Variants in EPAS1 observed in about 807,000 individuals in gnomAD.
EPAS1 encodes endothelial PAS domain-containing protein 1.
Under a neutral mutation model 87.9 loss-of-function variants are expected in EPAS1, and 23 were observed. The ratio of observed to expected loss-of-function variants is 0.26; its 90% CI spans 0.19 to 0.37. The LOEUF is 0.37. Among genes scored for constraint, EPAS1 ranks in the 10% least tolerant of loss-of-function variants. The pLI is 1.00. For missense variants in EPAS1, 1,138 were observed against 1,120.7 expected (o/e 1.02, Z -0.22); for synonymous variants, 508 against 444.3 (o/e 1.14, Z -1.80).
intron 1 of EPAS1, among the ~76,000 whole-genome samples, chr2:46,309,959 T>C (rs964767602): frequency 6.6e-6 from 1 of 152,220 alleles, no homozygotes; most frequent in African/African-American, 2.4e-5. Context: ...AAGTGGGTGG[T>C]TGGAGGAGGC....
chr2:46,363,272 A>G (rs964780143), intron 6 of EPAS1, among the ~76,000 whole-genome samples: 1 of 152,180 alleles, frequency 6.6e-6, no homozygotes, highest in Non-Finnish European at 1.5e-5. Flanking sequence ...GAGCATATAT[A>G]GTGCTGGGGA....
At chr2:46,315,069 A>G (rs1052636772) in intron 1 of EPAS1, among the ~76,000 whole-genome samples, 1 of 152,188 alleles carries the variant, frequency 6.6e-6, no homozygotes, top group Admixed American at 6.5e-5. Context: ...GATGGCTGAT[A>G]TGATCTCTGC....
intron 1 of EPAS1, among the ~76,000 whole-genome samples, chr2:46,307,890 T>C (rs778474871): frequency 1.3e-5 from 2 of 152,128 alleles, no homozygotes; most frequent in Non-Finnish European, 2.9e-5. Context: ...GTTTCTTTTG[T>C]GGATTTGGGT....
chr2:46,361,491 A>G (rs762009923), intron 6 of EPAS1, among the ~76,000 whole-genome samples: 1 of 152,160 alleles, frequency 6.6e-6, no homozygotes, highest in Non-Finnish European at 1.5e-5. Flanking sequence ...TCTGCCCTGG[A>G]GACTGACCCT....
At chr2:46,382,764 C>G (rs1009951121) in intron 15 of EPAS1, among the ~76,000 whole-genome samples, 166 bp downstream of exon 15, 10 of 152,214 alleles carry the variant, frequency 6.6e-5, no homozygotes, top group Admixed American at 6.5e-4. Context: ...AACCTCCTCA[C>G]AAGTTCCTTG....
At chr2:46,302,118 CTG>C (rs35880089) in intron 1 of EPAS1, among the ~76,000 whole-genome samples, 34,835 of 125,308 alleles carry the variant, frequency 0.28, 4,853 homozygotes, top group East Asian at 0.52. Flanking sequence ...CTCTTTCTCT[CTG>C]TGTGTGTGTG....
rs368626373 is a variant in EPAS1 at position 46,362,338 on chromosome 2, A to G, written c.779+1248A>G. Among the ~76,000 whole-genome samples, 18 of 152,356 alleles carry G rather than the reference A, an allele frequency of 1.2e-4. No homozygotes were observed. In the East Asian group the frequency reaches 3.1e-3, roughly 26 times the overall value. ...TAATGGCTGTGCAAGCACTTTGAGA[A>G]GTCCAGACACCACAACACATGTGAG... On this transcript the variant is annotated intron_variant, in intron 6 of 15. Coordinates refer to ENST00000263734, the MANE Select transcript of EPAS1 (RefSeq NM_001430.5).
At position 46,379,225 on chromosome 2, in the gene EPAS1, A is replaced by C. The variant is rs567605540; in HGVS notation, c.1554+458A>C. Among the ~76,000 whole-genome samples, 13 of 152,346 alleles carry C rather than the reference A, an allele frequency of 8.5e-5. No individual in the cohort carries two copies. The South Asian group carries it at 2.1e-3, about 24-fold the overall frequency. ...TTTGACAATTTTTCATTTACATAAA[A>C]CTTTTCAGGAACACATTTATTACAT... is the stretch of plus-strand genomic sequence containing the variant. On this transcript the variant is annotated intron_variant, in intron 11 of 15. Coordinates refer to ENST00000263734, the MANE Select transcript of EPAS1 (RefSeq NM_001430.5).
At chr2:46,332,291 CGTGTGTGTGTGTGTGTGTGTGTGTGTGT>C (rs57893491) in intron 1 of EPAS1, among the ~76,000 whole-genome samples, 1 of 110,798 alleles carries the variant, frequency 9.0e-6, no homozygotes, top group Non-Finnish European at 2.0e-5. Flanking sequence ...AAAAAAAATA[CGTGTGTGTGTGTGTGTGTGTGTGTGTGT>C]GTGTGTGTGT....
At position 46,356,317 on chromosome 2, in the gene EPAS1, T is replaced by C; in HGVS notation, c.369+15T>C. 1 of 1,614,044 alleles carries C rather than the reference T, an allele frequency of 6.2e-7. No homozygotes were observed. The highest frequency in any genetic ancestry group is 8.5e-7 in the Non-Finnish European group (1 of 1,179,886). Reference sequence around the variant, plus strand: ...GACTTACACAGGTGACACCCTCCTCTATCTCTTTCAAAAGAAGAAATGTTT... The same window carrying C: ...GACTTACACAGGTGACACCCTCCTCCATCTCTTTCAAAAGAAGAAATGTTT... On this transcript the variant is annotated intron_variant, in intron 3 of 15. Transcript: ENST00000263734.
chr2:46,318,358 A>G (rs1683386221), intron 1 of EPAS1, among the ~76,000 whole-genome samples: 1 of 152,228 alleles, frequency 6.6e-6, no homozygotes, highest in Non-Finnish European at 1.5e-5. Context: ...TAATAGCTAT[A>G]ATAATGAAAG....
At chr2:46,369,485 C>T (rs1684577720) in intron 6 of EPAS1, among the ~76,000 whole-genome samples, 1 of 152,236 alleles carries the variant, frequency 6.6e-6, no homozygotes, top group African/African-American at 2.4e-5. Flanking sequence ...TCTACTCCCT[C>T]ATCTGCAAAA....
chr2:46,349,648 C>T (rs1684108344), intron 2 of EPAS1, among the ~76,000 whole-genome samples: 1 of 152,216 alleles, frequency 6.6e-6, no homozygotes, highest in Non-Finnish European at 1.5e-5. Flanking sequence ...GTCCTGATGT[C>T]CTTGAAGGAG....
At chr2:46,311,340 C>T (rs760054705) in intron 1 of EPAS1, among the ~76,000 whole-genome samples, 1 of 152,158 alleles carries the variant, frequency 6.6e-6, no homozygotes, top group Admixed American at 6.5e-5. Flanking sequence ...GCCTCAGGCC[C>T]GAGAGCAGGG....
At chr2:46,353,769 G>A (rs1572634483) in intron 2 of EPAS1, among the ~76,000 whole-genome samples, 1 of 152,236 alleles carries the variant, frequency 6.6e-6, no homozygotes, top group African/African-American at 2.4e-5. Context: ...GTGCGTATGT[G>A]TATGGTGTAA....
intron 1 of EPAS1, 79 bp downstream of exon 1, chr2:46,298,016 G>A: frequency 6.4e-7 from 1 of 1,561,456 alleles, no homozygotes; most frequent in Non-Finnish European, 8.7e-7. Flanking sequence ...GACCGAGAGT[G>A]GTTGGGAGAA....
chr2:46,298,606 G>T (rs1276640124), intron 1 of EPAS1, among the ~76,000 whole-genome samples: 1 of 152,242 alleles, frequency 6.6e-6, no homozygotes, highest in East Asian at 1.9e-4. Flanking sequence ...AGATGGTTCG[G>T]TGTGTAGGAA....
intron 9 of EPAS1, among the ~76,000 whole-genome samples, chr2:46,377,568 T>G (rs1281640514): frequency 6.6e-6 from 1 of 152,248 alleles, no homozygotes; most frequent in Non-Finnish European, 1.5e-5. Flanking sequence ...AATAGCTCAA[T>G]AGCCCAATTC....
In EPAS1 at chr2:46,384,714, C is replaced by G; in HGVS notation, c.*54C>G. 1 of 1,596,980 alleles carries G rather than the reference C, an allele frequency of 6.3e-7. No individual in the cohort carries two copies. The highest frequency in any genetic ancestry group is 8.5e-7 in the Non-Finnish European group (1 of 1,173,436). ...TGCCGACGCCGTCCCACCAGCTTCA[C>G]TCTCTCCGTCTGTTTTTGCAACTAG... On this transcript the variant is annotated 3_prime_UTR_variant, in exon 16 of 16. Coordinates refer to ENST00000263734, the MANE Select transcript of EPAS1 (RefSeq NM_001430.5).
Sources: allele counts gnomAD v4.1 joint callset (sites outside exome capture counted in the v4.1 genomes callset), GRCh38; gene constraint gnomAD v4.1.1; transcripts MANE v1.5; gene names NCBI Gene and HGNC (gene_info 2026-07-23, HGNC 2026-07-21).